The following PHKB variants were observed in gnomAD, a reference collection of about 807,000 sequenced individuals.
PHKB encodes the protein phosphorylase kinase regulatory subunit beta, also known as phosphorylase b kinase regulatory subunit beta.
Under a neutral mutation model 152.1 loss-of-function variants are expected in PHKB, and 122 were observed. The ratio of observed to expected loss-of-function variants is 0.80; its 90% CI spans 0.69 to 0.93. The LOEUF (loss-of-function observed/expected upper bound fraction) is 0.93, where lower values mean the gene tolerates loss of function less well. Among genes scored for constraint, PHKB ranks in the 40% least tolerant of loss-of-function variants. PHKB has a pLI of 0.00. For synonymous variants in PHKB, 436 were observed against 464.9 expected (o/e 0.94, Z 0.80); for missense variants, 1,304 against 1,328.4 (o/e 0.98, Z 0.29).
At chr16:47,495,765 AG>A (rs1232845490) in intron 1 of PHKB, among the ~76,000 whole-genome samples, 1 of 152,014 alleles carries the variant, frequency 6.6e-6, no homozygotes, top group East Asian at 1.9e-4. Flanking sequence ...GCATGACTGG[AG>A]GGGGCTGGGT....
intron 7 of PHKB, among the ~76,000 whole-genome samples, chr16:47,549,719 A>C (rs1221232697): frequency 2.0e-5 from 3 of 151,982 alleles, no homozygotes; most frequent in Non-Finnish European, 4.4e-5. Context: ...AAAAATGCTA[A>C]CCTGTAGTAA....
chr16:47,481,960 TC>T (rs1245524233), intron 1 of PHKB, among the ~76,000 whole-genome samples: 1 of 152,186 alleles, frequency 6.6e-6, no homozygotes, highest in African/African-American at 2.4e-5. Flanking sequence ...GAAGACGTTC[TC>T]CCCTCCAGCA....
Position 47,699,234 on chromosome 16 carries a change from C to T in PHKB, c.3150C>T (p.Asp1050=). The T allele has an allele frequency of 6.2e-7, 1 of 1,614,038 alleles. No individual in the cohort carries two copies. Among genetic ancestry groups the T allele is most frequent in the Non-Finnish European group, 8.5e-7 (1 of 1,179,934 alleles). Residue 1050 remains aspartate (D), a synonymous_variant, in exon 31 of 31, where the codon GAC becomes GAT. Transcript: ENST00000323584. ...SRLKEIEKQD[D]MTSFYNTPPL... is the part of the protein sequence containing the mutation. ...CCTACTGTTTTCCTTTGTAGGATGA[C>T]ATGACTTCCTTTTACAACACTCCTC... is the stretch of plus-strand genomic sequence containing the variant.
intron 8 of PHKB, among the ~76,000 whole-genome samples, chr16:47,581,882 G>C (rs571127763): frequency 6.6e-6 from 1 of 152,210 alleles, no homozygotes; most frequent in African/African-American, 2.4e-5. Flanking sequence ...GTTTCACCAT[G>C]TTGGCCAGGC....
chr16:47,558,384 A>G (rs1971418689), intron 7 of PHKB, among the ~76,000 whole-genome samples: 1 of 152,148 alleles, frequency 6.6e-6, no homozygotes, highest in South Asian at 2.1e-4. Context: ...AAGTATAATA[A>G]TAATAAAATA....
chr16:47,594,988 G>GC (rs1295306235), intron 12 of PHKB, among the ~76,000 whole-genome samples: 1 of 152,092 alleles, frequency 6.6e-6, no homozygotes, highest in African/African-American at 2.4e-5. Flanking sequence ...TCACTAACAT[G>GC]CTTGTAATGT....
intron 26 of PHKB, among the ~76,000 whole-genome samples, chr16:47,681,524 A>G (rs1386952132): frequency 6.6e-6 from 1 of 151,530 alleles, no homozygotes; most frequent in African/African-American, 2.4e-5. Flanking sequence ...CCATTATGTA[A>G]TGGCGTTCTT....
At chr16:47,519,915 A>G (rs1475605700) in intron 6 of PHKB, among the ~76,000 whole-genome samples, 1 of 151,868 alleles carries the variant, frequency 6.6e-6, no homozygotes, top group African/African-American at 2.4e-5. Context: ...TTCTATTACT[A>G]TTTACTAAGT....
intron 7 of PHKB, among the ~76,000 whole-genome samples, chr16:47,579,776 G>C (rs781594458): frequency 1.3e-5 from 2 of 152,100 alleles, no homozygotes; most frequent in Non-Finnish European, 2.9e-5. Flanking sequence ...AAGGTGATCA[G>C]TTGTTCTGTG....
chr16:47,669,426 A>G lies in PHKB; in HGVS notation c.2630+9A>G, dbSNP rs2142079731. On this transcript the variant is annotated intron_variant, in intron 26 of 30. Coordinates refer to ENST00000323584, the MANE Select transcript of PHKB (RefSeq NM_000293.3). ...CTGAAAATACGAATCGGGTGAGTGAAGTCCTTTGCATTTGCATAAAGAGAA... is the reference window on the plus strand; with the variant it reads ...CTGAAAATACGAATCGGGTGAGTGAGGTCCTTTGCATTTGCATAAAGAGAA... The G allele has an allele frequency of 6.2e-7, 1 of 1,612,436 alleles. No individual in the cohort carries two copies. The highest frequency in any genetic ancestry group is 8.5e-7 in the Non-Finnish European group (1 of 1,178,430).
At chr16:47,462,608 T>C (rs1373528823) in intron 1 of PHKB, 1 of 151,532 alleles carries the variant, frequency 6.6e-6, no homozygotes, top group Non-Finnish European at 1.5e-5. Flanking sequence ...CACTCCAGCG[T>C]GGGCGACAGA....
intron 5 of PHKB, among the ~76,000 whole-genome samples, chr16:47,512,210 A>G (rs1038912817): frequency 5.3e-5 from 8 of 152,256 alleles, no homozygotes; most frequent in Non-Finnish European, 1.2e-4. Flanking sequence ...TACATTCTAT[A>G]AATTGTTCAA....
chr16:47,573,463 T>C (rs1252788952), intron 7 of PHKB, among the ~76,000 whole-genome samples: 1 of 152,118 alleles, frequency 6.6e-6, no homozygotes, highest in African/African-American at 2.4e-5. Context: ...CTCTGTTGCA[T>C]AAAAGAATCC....
At chr16:47,676,870 C>T (rs886343133) in intron 26 of PHKB, among the ~76,000 whole-genome samples, 6 of 152,214 alleles carry the variant, frequency 3.9e-5, no homozygotes, top group Admixed American at 1.3e-4. Context: ...TGCTGCAGGT[C>T]TGTCAGTCAA....
At chr16:47,511,083 TA>T (rs1041988099) in intron 4 of PHKB, among the ~76,000 whole-genome samples, 3 of 152,212 alleles carry the variant, frequency 2.0e-5, no homozygotes, top group African/African-American at 7.2e-5. Flanking sequence ...ATTTTATGTC[TA>T]GCTAATAAAT....
In PHKB at chr16:47,677,770, ATT is replaced by A. The variant is rs575931158; in HGVS notation, c.2630+8366_2630+8367del. On this transcript the variant is annotated intron_variant, in intron 26 of 30. Coordinates refer to ENST00000323584, the MANE Select transcript of PHKB (RefSeq NM_000293.3). ...TTAGTTAAATGCACAAAATCATCTA[ATT>A]TTTTTTTTTTTTATACTTTAAGTTT... Among the ~76,000 whole-genome samples, 118 of 144,140 alleles carry A rather than the reference ATT, an allele frequency of 8.2e-4. 1 individual carries two copies. The highest frequency in any genetic ancestry group is 2.8e-3 in the African/African-American group (112 of 39,598). 94.6% of individuals were successfully genotyped at this position (144,140 alleles called of 152,430 possible).
chr16:47,597,684 T>C lies in PHKB; in HGVS notation c.1363+1153T>C, dbSNP rs536279823. On this transcript the variant is annotated intron_variant, in intron 13 of 30. Coordinates refer to ENST00000323584, the MANE Select transcript of PHKB (RefSeq NM_000293.3). ...GTTTTCTTTTTTCTTTTTTCTTTTT[T>C]TTTTTTTTTTTTTAGTGATTCCGCT... The C allele has an allele frequency of 8.0e-5, 12 of 149,992 alleles. No individual in the cohort carries two copies. In the East Asian group the frequency reaches 1.4e-3, roughly 17 times the overall value. The allele number at this position is 149,992 out of a possible 1,614,324, so 9.3% of individuals were successfully genotyped here.
intron 26 of PHKB, among the ~76,000 whole-genome samples, chr16:47,686,043 A>C (rs1273648421): frequency 2.0e-5 from 3 of 152,140 alleles, no homozygotes; most frequent in Admixed American, 1.3e-4. Flanking sequence ...CCCAGCCAAT[A>C]AATGTATTTT....
At chr16:47,694,405 C>A (rs1016255915) in intron 28 of PHKB, among the ~76,000 whole-genome samples, 1 of 152,136 alleles carries the variant, frequency 6.6e-6, no homozygotes, top group Non-Finnish European at 1.5e-5. Flanking sequence ...CAGACCCACA[C>A]TCATTTTGCT....
Sources: allele counts gnomAD v4.1 joint callset (sites outside exome capture counted in the v4.1 genomes callset), GRCh38; gene constraint gnomAD v4.1.1; transcripts MANE v1.5; gene names NCBI Gene and HGNC (gene_info 2026-07-23, HGNC 2026-07-21).